The following ERBB4 variants were observed in gnomAD, a reference collection of about 807,000 sequenced individuals.
ERBB4 encodes the protein erb-b2 receptor tyrosine kinase 4.
ERBB4 carries 42 observed loss-of-function variants against 158.0 expected under a neutral mutation model. The observed-to-expected ratio is 0.27, with a 90% CI of 0.21 to 0.34. The LOEUF is 0.34. ERBB4 is among the 10% of genes least tolerant of loss of function. ERBB4 has a pLI of 1.00. For missense variants in ERBB4, 1,333 were observed against 1,624.1 expected, an observed-to-expected ratio of 0.82 and a Z score of 3.08; for synonymous variants, 583 against 558.7, an observed-to-expected ratio of 1.04 and a Z score of -0.61.
chr2:211,877,982 C>A (rs1216813073), intron 3 of ERBB4, among the ~76,000 whole-genome samples: 1 of 152,122 alleles, frequency 6.6e-6, no homozygotes, highest in Non-Finnish European at 1.5e-5. Flanking sequence ...GTGGTGGGTG[C>A]CTGTAATCCC....
intron 2 of ERBB4, among the ~76,000 whole-genome samples, chr2:212,094,513 C>T (rs1474631820): frequency 1.3e-5 from 2 of 151,048 alleles, no homozygotes; most frequent in African/African-American, 4.9e-5. Flanking sequence ...CAAACTTGTT[C>T]TTTAAAACTC....
At chr2:211,548,912 T>TG (rs1374004135) in intron 20 of ERBB4, among the ~76,000 whole-genome samples, 1 of 152,140 alleles carries the variant, frequency 6.6e-6, no homozygotes, top group African/African-American at 2.4e-5. Context: ...CTAGACCTTC[T>TG]GGGGCTCCTT....
At chr2:212,529,328 C>G (rs1692620976) in intron 1 of ERBB4, among the ~76,000 whole-genome samples, 1 of 152,102 alleles carries the variant, frequency 6.6e-6, no homozygotes, top group South Asian at 2.1e-4. Flanking sequence ...TATCCACATT[C>G]CACATATATT....
intron 1 of ERBB4, among the ~76,000 whole-genome samples, chr2:212,488,685 A>G (rs2106191089): frequency 6.6e-6 from 1 of 152,010 alleles, no homozygotes; most frequent in Non-Finnish European, 1.5e-5. Context: ...AAGCTCCAAC[A>G]AGAATCAAAG....
intron 1 of ERBB4, among the ~76,000 whole-genome samples, chr2:212,255,242 T>C (rs566163002): frequency 4.5e-4 from 68 of 152,312 alleles, no homozygotes; most frequent in African/African-American, 1.6e-3. Context: ...ACTATAGCAA[T>C]TTTTTAAAAT....
chr2:212,217,321 C>T (rs539514162), intron 1 of ERBB4, among the ~76,000 whole-genome samples: 1 of 151,428 alleles, frequency 6.6e-6, no homozygotes, highest in South Asian at 2.1e-4. Flanking sequence ...CCCACCAAAG[C>T]TTCTTAACAT....
intron 1 of ERBB4, among the ~76,000 whole-genome samples, chr2:212,126,330 C>T (rs2079926083): frequency 6.6e-6 from 1 of 151,808 alleles, no homozygotes; most frequent in South Asian, 2.1e-4. Flanking sequence ...CGTGGTAGCT[C>T]ATGCCTGTAA....
At position 212,103,693 on chromosome 2, in the gene ERBB4, C is replaced by T. The variant is rs574128751; in HGVS notation, c.234+21059G>A. On this transcript the variant is annotated intron_variant, in intron 2 of 27. Transcript: ENST00000342788. Reference sequence around the variant, plus strand: ...TAGAAAGGGAAGACTGCCCTTTCTCCGTTATGCAATCCAATGTCTGATTTT... The same window carrying T: ...TAGAAAGGGAAGACTGCCCTTTCTCTGTTATGCAATCCAATGTCTGATTTT... Among the ~76,000 whole-genome samples, 10 of 149,852 alleles carry T rather than the reference C, an allele frequency of 6.7e-5. No individual in the cohort carries two copies. The East Asian group carries it at 1.4e-3, about 20-fold the overall frequency.
At chr2:212,458,299 GA>G in intron 1 of ERBB4, among the ~76,000 whole-genome samples, 1 of 151,874 alleles carries the variant, frequency 6.6e-6, no homozygotes, top group African/African-American at 2.4e-5. Context: ...AGGGAATCAG[GA>G]AAAAAATGGT....
At chr2:212,385,852 T>G (rs1414240573) in intron 1 of ERBB4, among the ~76,000 whole-genome samples, 1 of 151,968 alleles carries the variant, frequency 6.6e-6, no homozygotes, top group Non-Finnish European at 1.5e-5. Flanking sequence ...TTATTTTAAA[T>G]TATTCCATAT....
In ERBB4 at chr2:211,902,348, A is replaced by C. The variant is rs72933733; in HGVS notation, c.421+45082T>G. Among the ~76,000 whole-genome samples the C allele has an allele frequency of 3.9e-3, 595 of 152,248 alleles. 3 individuals carry two copies. Among genetic ancestry groups the C allele is most frequent in the Non-Finnish European group, 7.3e-3 (498 of 67,996 alleles). The stretch of plus-strand genomic sequence containing the variant: ...CAGTAAACACAGAAATAAAACAACA[A>C]GCAAGCATTTTTAATATATTATAGA... On this transcript the variant is annotated intron_variant, in intron 3 of 27. Coordinates refer to ENST00000342788, the MANE Select transcript of ERBB4 (RefSeq NM_005235.3).
chr2:211,685,897 G>C (rs2072546230), intron 12 of ERBB4, among the ~76,000 whole-genome samples: 1 of 152,048 alleles, frequency 6.6e-6, no homozygotes, highest in African/African-American at 2.4e-5. Context: ...TAGTATTATA[G>C]TTTTAATTTC....
chr2:211,657,859 T>A (rs2071276455), intron 15 of ERBB4, 31 bp from the exon 16 acceptor site: 1 of 1,609,212 alleles, frequency 6.2e-7, no homozygotes, highest in Non-Finnish European at 8.5e-7. Context: ...GAAAACATCA[T>A]TCTCCATCCA....
At chr2:212,493,457 C>T (rs1690392901) in intron 1 of ERBB4, among the ~76,000 whole-genome samples, 1 of 151,406 alleles carries the variant, frequency 6.6e-6, no homozygotes, top group Non-Finnish European at 1.5e-5. Context: ...GTAAATATTG[C>T]TAATATTGTT....
chr2:212,027,700 A>G (rs895325009), intron 2 of ERBB4, among the ~76,000 whole-genome samples: 1 of 151,868 alleles, frequency 6.6e-6, no homozygotes, highest in Non-Finnish European at 1.5e-5. Context: ...ACAGTTACAA[A>G]CTCCACAGTT....
chr2:211,924,171 C>G (rs988307083), intron 3 of ERBB4, among the ~76,000 whole-genome samples: 9 of 152,176 alleles, frequency 5.9e-5, no homozygotes, highest in African/African-American at 2.2e-4. Context: ...CCTGTGGCAG[C>G]TATGGACATC....
intron 2 of ERBB4, among the ~76,000 whole-genome samples, chr2:212,069,206 AC>A (rs2078035264): frequency 6.6e-6 from 1 of 152,078 alleles, no homozygotes; most frequent in African/African-American, 2.4e-5. Flanking sequence ...GCCAAATCCA[AC>A]AATCTATAAA....
intron 25 of ERBB4, among the ~76,000 whole-genome samples, chr2:211,392,528 A>T (rs2062818492): frequency 1.4e-5 from 2 of 141,982 alleles, no homozygotes; most frequent in Admixed American, 7.2e-5. Flanking sequence ...ATTCTGTGGG[A>T]CTCTACTTTT....
intron 2 of ERBB4, among the ~76,000 whole-genome samples, chr2:211,969,118 G>A (rs575368389): frequency 6.6e-6 from 1 of 152,050 alleles, no homozygotes; most frequent in South Asian, 2.1e-4. Context: ...CATACTGAAG[G>A]TAGAAAGTAA....
Sources: gnomAD v4.1 joint callset for allele counts (sites outside exome capture counted in the v4.1 genomes callset) on GRCh38, gnomAD v4.1.1 for gene constraint, MANE v1.5 for transcripts, NCBI Gene and HGNC (gene_info 2026-07-23, HGNC 2026-07-21) for gene names.